ATP2B2: variants seen among roughly 807,000 people sequenced by gnomAD.
The protein encoded by ATP2B2 is plasma membrane calcium-transporting ATPase 2.
In ATP2B2, 15 loss-of-function variants were observed where a neutral mutation model predicts 120.0. That is an observed-to-expected ratio of 0.12 (90% CI 0.08 to 0.19). ATP2B2 has a LOEUF of 0.19. Ranked by LOEUF, ATP2B2 falls within the 10% of genes least tolerant of loss-of-function variation. The pLI is 1.00. For missense variants in ATP2B2, 1,045 were observed against 1,719.8 expected, an observed-to-expected ratio of 0.61 and a Z score of 6.94; for synonymous variants, 694 against 700.3, an observed-to-expected ratio of 0.99 and a Z score of 0.14.
At chr3:10,410,964 A>C in intron 2 of ATP2B2, 149 bp from the exon 3 acceptor site, 1 of 977,160 alleles carries the variant, frequency 1.0e-6, no homozygotes, top group Non-Finnish European at 1.5e-6. Flanking sequence ...TTTGGGCCCT[A>C]AGTTGGTTCC....
chr3:10,475,961 C>T (rs1254000626), intron 1 of ATP2B2, among the ~76,000 whole-genome samples: 1 of 152,184 alleles, frequency 6.6e-6, no homozygotes, highest in African/African-American at 2.4e-5. Context: ...TAACCCCATC[C>T]TCCCACTCAG....
chr3:10,449,428 C>G lies in ATP2B2; in HGVS notation c.116G>C (p.Gly39Ala), dbSNP rs772109445. 2 of 1,614,130 alleles carry G rather than the reference C, an allele frequency of 1.2e-6. No homozygotes were observed. Among genetic ancestry groups the G allele is most frequent in the South Asian group, 2.2e-5 (2 of 91,088 alleles). ...EELRSLMELR[G>A]TEAVVKIKET... ...CTTGATCTTGACCACAGCCTCAGTG[C>G]CCCGCAGCTCCATGAGGGAGCGGAG... Residue 39 changes from glycine (G) to alanine (A), a missense_variant, in exon 2 of 23, where the codon GGC (glycine) becomes GCC (alanine). Physicochemically the swap from Gly to Ala is moderately conservative, Grantham distance 60 (BLOSUM62 0). Transcript: ENST00000360273.
At chr3:10,663,097 TG>T (rs1464265517) in intron 1 of ATP2B2, among the ~76,000 whole-genome samples, 696 of 46,586 alleles carry the variant, frequency 0.015, 7 homozygotes, top group Non-Finnish European at 0.017. Context: ...TGTTTTGGGG[TG>T]GGGGGAGGGG....
At chr3:10,653,904 C>T (rs1219904034) in intron 1 of ATP2B2, among the ~76,000 whole-genome samples, 1 of 152,148 alleles carries the variant, frequency 6.6e-6, no homozygotes, top group Non-Finnish European at 1.5e-5. Context: ...CTCTACTCAA[C>T]ACATTTTTTC....
At chr3:10,658,724 A>C (rs532215505) in intron 1 of ATP2B2, among the ~76,000 whole-genome samples, 1 of 152,080 alleles carries the variant, frequency 6.6e-6, no homozygotes, top group Admixed American at 6.5e-5. Context: ...CCAACATTCA[A>C]ATTCAGGAAA....
chr3:10,523,661 C>T lies in ATP2B2; in HGVS notation c.-320+10378G>A, dbSNP rs114155124. Among the ~76,000 whole-genome samples, 263 of 152,246 alleles carry T rather than the reference C, an allele frequency of 1.7e-3. 3 individuals are homozygous for T. Among genetic ancestry groups the T allele is most frequent in the African/African-American group, 6.0e-3 (250 of 41,544 alleles). ...CTAAATCATATTTCAAATATGCCAT[C>T]GGAAAAACCGTGGTTCACAGGAAAA... On this transcript the variant is annotated intron_variant, in intron 3 of 21. Coordinates refer to the ATP2B2 transcript ENST00000646379.
At chr3:10,414,611 T>C (rs1028380229) in intron 2 of ATP2B2, among the ~76,000 whole-genome samples, 7 of 152,178 alleles carry the variant, frequency 4.6e-5, no homozygotes, top group Non-Finnish European at 1.0e-4. Context: ...TGGAATTTGA[T>C]GTAAAATCTC....
chr3:10,429,729 T>C (rs2063254463), intron 2 of ATP2B2, among the ~76,000 whole-genome samples: 1 of 152,266 alleles, frequency 6.6e-6, no homozygotes, highest in South Asian at 2.1e-4. Flanking sequence ...GAGGAAGGCA[T>C]GTCTCACTAA....
intron 2 of ATP2B2, among the ~76,000 whole-genome samples, chr3:10,428,672 G>A (rs922465373): frequency 2.0e-5 from 3 of 152,208 alleles, no homozygotes; most frequent in African/African-American, 7.2e-5. Context: ...TGTAGCCTGA[G>A]GCTCAGTGAA....
intron 1 of ATP2B2, among the ~76,000 whole-genome samples, chr3:10,471,416 G>C (rs2064997672): frequency 6.6e-6 from 1 of 151,960 alleles, no homozygotes; most frequent in Non-Finnish European, 1.5e-5. Flanking sequence ...GCGTGCACGT[G>C]TGCGTGCGTG....
intron 2 of ATP2B2, among the ~76,000 whole-genome samples, chr3:10,539,038 C>A (rs1466574006): frequency 2.6e-5 from 4 of 152,214 alleles, no homozygotes; most frequent in Non-Finnish European, 5.9e-5. Context: ...TCTCAGGATA[C>A]AAAATCAATG....
chr3:10,592,078 T>G (rs952451714), intron 2 of ATP2B2, among the ~76,000 whole-genome samples: 2 of 152,132 alleles, frequency 1.3e-5, no homozygotes, highest in African/African-American at 4.8e-5. Context: ...ATGTGGAAGG[T>G]TGGGAAGAAG....
chr3:10,352,974 C>T lies in ATP2B2; in HGVS notation c.2137-2397G>A, dbSNP rs376399188. ...TGACCCTCTGCCCATTCCCTAGATC[C>T]GTTCCCAGGTGTCCTCAACAGATGG... is the stretch of plus-strand genomic sequence containing the variant. On this transcript the variant is annotated intron_variant, in intron 14 of 22. Transcript: ENST00000360273. Among the ~76,000 whole-genome samples the T allele has an allele frequency of 1.4e-4, 22 of 152,336 alleles. No homozygotes were observed. The East Asian group carries it at 2.5e-3, about 17-fold the overall frequency.
intron 1 of ATP2B2, among the ~76,000 whole-genome samples, chr3:10,684,168 T>C (rs1274188263): frequency 1.3e-5 from 2 of 152,188 alleles, no homozygotes; most frequent in Non-Finnish European, 2.9e-5. Flanking sequence ...ATGATTGGTC[T>C]AAAGGGATGG....
intron 1 of ATP2B2, among the ~76,000 whole-genome samples, chr3:10,663,268 A>T (rs931352310): frequency 3.3e-5 from 5 of 152,076 alleles, no homozygotes; most frequent in African/African-American, 1.2e-4. Flanking sequence ...AGTGGCTGAA[A>T]CTTCCCAATC....
intron 1 of ATP2B2, among the ~76,000 whole-genome samples, chr3:10,504,931 C>T (rs778060755): frequency 6.6e-6 from 1 of 152,122 alleles, no homozygotes; most frequent in Non-Finnish European, 1.5e-5. Flanking sequence ...CCCAATGAGT[C>T]CCAGCACACA....
intron 1 of ATP2B2, among the ~76,000 whole-genome samples, chr3:10,463,401 C>A (rs1437172288): frequency 6.6e-6 from 1 of 152,176 alleles, no homozygotes; most frequent in Non-Finnish European, 1.5e-5. Flanking sequence ...CAGAAACTGG[C>A]CAACCAGATG....
intron 1 of ATP2B2, among the ~76,000 whole-genome samples, chr3:10,459,840 G>A (rs57998511): frequency 0.035 from 5,395 of 152,364 alleles, 135 homozygotes; most frequent in Admixed American, 0.062. Context: ...AAGACAGACT[G>A]AGTGTGCAGT....
At chr3:10,622,123 G>C (rs35552923) in intron 1 of ATP2B2, among the ~76,000 whole-genome samples, 102,959 of 151,960 alleles carry the variant, frequency 0.68, 36,435 homozygotes, top group Middle Eastern at 0.81. Flanking sequence ...TGCTCCAGGG[G>C]CCCCCCTAGG....
Sources: allele counts gnomAD v4.1 joint callset (sites outside exome capture counted in the v4.1 genomes callset), GRCh38; gene constraint gnomAD v4.1.1; transcripts MANE v1.5; gene names NCBI Gene and HGNC (gene_info 2026-07-23, HGNC 2026-07-21).